COL1A1: variants seen among roughly 807,000 people sequenced by gnomAD.
COL1A1 encodes collagen alpha-1(I) chain.
COL1A1 carries 21 observed loss-of-function variants against 195.7 expected under a neutral mutation model. The ratio of observed to expected loss-of-function variants is 0.11; its 90% CI spans 0.08 to 0.15. The LOEUF is 0.15. Among genes scored for constraint, COL1A1 ranks in the 10% least tolerant of loss-of-function variants. The probability of loss-of-function intolerance (pLI) is 1.00; values close to 1 mark genes in which losing one functional copy is unlikely to be tolerated. For synonymous variants in COL1A1, 749 were observed against 747.3 expected (o/e 1.00, Z -0.04); for missense variants, 1,365 against 2,051.0 (o/e 0.67, Z 6.46).
At chr17:50,200,897 A>AC (rs938069048) in intron 1 of COL1A1, among the ~76,000 whole-genome samples, 8 of 148,420 alleles carry the variant, frequency 5.4e-5, no homozygotes, top group South Asian at 2.1e-4. Flanking sequence ...GGGCGCAAGG[A>AC]CCCCGCCCCG....
rs1299239027 is a variant in COL1A1, at chr17:50,184,102, T to C, written c.*1400A>G. Reference sequence around the variant, plus strand: ...ATTAGGAGGCCACTGCGGATTATGTTTGGGTCATTTCCACATGCTTTATTC... The same window carrying C: ...ATTAGGAGGCCACTGCGGATTATGTCTGGGTCATTTCCACATGCTTTATTC... On this transcript the variant is annotated 3_prime_UTR_variant, in exon 51 of 51. Coordinates refer to ENST00000225964, the MANE Select transcript of COL1A1 (RefSeq NM_000088.4). The C allele has an allele frequency of 2.1e-5, 4 of 193,152 alleles. No individual in the cohort carries two copies. The highest frequency in any genetic ancestry group is 1.8e-3 in the Middle Eastern group (1 of 570). 12.0% of individuals were successfully genotyped at this position (193,152 alleles called of 1,614,324 possible). A position where few individuals can be genotyped will look rare whatever the true frequency, so the allele number is the denominator to read the frequency against.
Position 50,186,637 on chromosome 17 carries a change from C to T in COL1A1, c.3814+3G>A. 1 of 1,613,516 alleles carries T rather than the reference C, an allele frequency of 6.2e-7. No individual in the cohort carries two copies. Among genetic ancestry groups the T allele is most frequent in the Non-Finnish European group, 8.5e-7 (1 of 1,180,008 alleles). ...GGAGGGAGAGGCTAGGGCAGGCCCT[C>T]ACCACTCTTCCAGTCAGAGTGGCAC... is the stretch of plus-strand genomic sequence containing the variant. On this transcript the variant is annotated splice_donor_region_variant and intron_variant, in intron 48 of 50. Coordinates refer to ENST00000225964, the MANE Select transcript of COL1A1 (RefSeq NM_000088.4). The surrounding 1 kb of genome is among the most constrained non-coding windows in gnomAD (Gnocchi z 5.3).
Position 50,186,697 on chromosome 17 carries a change from T to C in COL1A1, c.3757A>G (p.Lys1253Glu), listed in dbSNP as rs751874729. The C allele has an allele frequency of 6.2e-7, 1 of 1,613,648 alleles. No homozygotes were observed. Among genetic ancestry groups the C allele is most frequent in the Admixed American group, 1.7e-5 (1 of 60,014 alleles). The change falls in exon 48 of 51, where the codon AAG becomes GAG. Residue 1253 changes from lysine (K) to glutamate (E), a missense_variant. By Grantham distance (56) the Lys-to-Glu change is moderately conservative. Around this residue, in one of 5 missense-constraint regions of COL1A1, gnomAD observed 273 missense variants for 338.6 expected, o/e 0.81. Coordinates refer to ENST00000225964, the MANE Select transcript of COL1A1 (RefSeq NM_000088.4). This position sits in a 1 kb window ranked among gnomAD's most constrained non-coding sequence, Gnocchi z 5.3. ...TCACGGCAGGTGCGGGCGGGGTTCTTGCGGCTGCCCTCTGGGCTCCGGATG... is the reference window on the plus strand; with the variant it reads ...TCACGGCAGGTGCGGGCGGGGTTCTCGCGGCTGCCCTCTGGGCTCCGGATG... Reference protein sequence around the residue: ...ENIRSPEGSRKNPARTCRDLK... With the variant: ...ENIRSPEGSRENPARTCRDLK...
At chr17:50,191,156 C>T (rs1489266070) in intron 32 of COL1A1, among the ~76,000 whole-genome samples, 1 of 152,114 alleles carries the variant, frequency 6.6e-6, no homozygotes, top group African/African-American at 2.4e-5. Context: ...GAGCCTCCAC[C>T]AAGGAGATGC....
chr17:50,201,605 C>T lies in COL1A1; in HGVS notation c.-92G>A. On this transcript the variant is annotated 5_prime_UTR_variant, in exon 1 of 51. Coordinates refer to ENST00000225964, the MANE Select transcript of COL1A1 (RefSeq NM_000088.4). ...CTCACACTCCGCGTGCCTCCTGCTCCGACCCCGAGGAGAAACTCCCGTCTG... is the reference window on the plus strand; with the variant it reads ...CTCACACTCCGCGTGCCTCCTGCTCTGACCCCGAGGAGAAACTCCCGTCTG... 2.6e-6 allele frequency: 3 copies of T among 1,159,620 alleles called. No individual in the cohort carries two copies. The highest frequency in any genetic ancestry group is 2.6e-5 in the East Asian group (1 of 39,046). 71.8% of individuals were successfully genotyped at this position (1,159,620 alleles called of 1,614,324 possible).
intron 31 of COL1A1, 66 bp from the exon 32 acceptor site, chr17:50,191,556 C>T (rs1907079711): frequency 6.9e-7 from 1 of 1,447,876 alleles, no homozygotes; most frequent in Non-Finnish European, 9.7e-7. Context: ...AGCCCTAAGC[C>T]CCGCTTGGTA....
At chr17:50,192,450 C>G in intron 29 of COL1A1, 25 bp downstream of exon 29, 1 of 1,585,570 alleles carries the variant, frequency 6.3e-7, no homozygotes, top group Non-Finnish European at 8.6e-7. Flanking sequence ...ATCTCCCACC[C>G]CTCTGGCCGG....
rs573216775 is a variant in COL1A1 at position 50,192,093 on chromosome 17, G to A, written c.1984-69C>T. On this transcript the variant is annotated intron_variant, in intron 29 of 50. Transcript: ENST00000225964. ...CTGGGGCCACTCTGCTGGAAAGCAC[G>A]GTCCTTCCTCCTGGGGTCTGGCCGT... The A allele has an allele frequency of 1.8e-4, 268 of 1,529,396 alleles. 2 individuals are homozygous for A. In the South Asian group the frequency reaches 2.5e-3, roughly 15 times the overall value. The allele number at this position is 1,529,396 out of a possible 1,614,324, so 94.7% of individuals were successfully genotyped here.
Position 50,190,234 on chromosome 17 carries a change from CCT to C in COL1A1, c.2451+91_2451+92del. 1 of 1,269,976 alleles carries C rather than the reference CCT, an allele frequency of 7.9e-7. No homozygotes were observed. Among genetic ancestry groups the C allele is most frequent in the South Asian group, 1.2e-5 (1 of 84,160 alleles). 78.7% of individuals were successfully genotyped at this position (1,269,976 alleles called of 1,614,324 possible). ...AACAATCCCGTCTCCACCCTTCTCC[CCT>C]GAGGATGGCTGACGCCTTTGTCCTC... On this transcript the variant is annotated intron_variant, in intron 35 of 50. Transcript: ENST00000225964. This position sits in a 1 kb window ranked among gnomAD's most constrained non-coding sequence, Gnocchi z 4.7.
At position 50,189,216 on chromosome 17, in the gene COL1A1, C is replaced by A; in HGVS notation, c.2889G>T (p.Leu963=). 1 of 1,613,846 alleles carries A rather than the reference C, an allele frequency of 6.2e-7. No homozygotes were observed. Among genetic ancestry groups the A allele is most frequent in the Non-Finnish European group, 8.5e-7 (1 of 1,179,914 alleles). The change falls in exon 40 of 51, where the codon CTG becomes CTT. Residue 963 remains leucine (L), a synonymous_variant. Coordinates refer to ENST00000225964, the MANE Select transcript of COL1A1 (RefSeq NM_000088.4). The surrounding 1 kb of genome is among the most constrained non-coding windows in gnomAD (Gnocchi z 5.5). ...GIAGQRGVVG[L]PGQRGERGFP... is the part of the protein sequence containing the mutation. ...AGCCTCTCTCTCCTCTCTGACCAGG[C>A]AGGCCGACCACACCACGCTGTCCAG...
chr17:50,199,748 C>A lies in COL1A1; in HGVS notation c.298+5G>T, dbSNP rs757231152. ...CCAGGCCCCAGGCCCCGAGCGCAGC[C>A]GCACCTGAGCCGTCGGGGCAGACGG... is the stretch of plus-strand genomic sequence containing the variant. On this transcript the variant is annotated splice_donor_5th_base_variant and intron_variant, in intron 2 of 50. Coordinates refer to ENST00000225964, the MANE Select transcript of COL1A1 (RefSeq NM_000088.4). 1.9e-6 allele frequency: 3 copies of A among 1,610,860 alleles called. No homozygotes were observed. The African/African-American group carries it at 4.0e-5, about 22-fold the overall frequency.
chr17:50,199,021 A>C (rs78271486), intron 5 of COL1A1, among the ~76,000 whole-genome samples: 1 of 152,210 alleles, frequency 6.6e-6, no homozygotes, highest in African/African-American at 2.4e-5. Flanking sequence ...TTGCTCAAAC[A>C]GTTCAGAAAA....
rs1030011866 is a variant in COL1A1, at chr17:50,188,431, C to T, written c.3207+99G>A. On this transcript the variant is annotated intron_variant, in intron 43 of 50. Transcript: ENST00000225964. The surrounding 1 kb of genome is among the most constrained non-coding windows in gnomAD (Gnocchi z 5.6). The stretch of plus-strand genomic sequence containing the variant: ...TCTTGCAGGATCTCCTTTCCTCCCC[C>T]TGCCTGGGTGAAGTCCGACACCCAT... The T allele has an allele frequency of 4.1e-6, 5 of 1,224,204 alleles. No homozygotes were observed. Among genetic ancestry groups the T allele is most frequent in the East Asian group, 2.3e-5 (1 of 43,028 alleles). The allele number at this position is 1,224,204 out of a possible 1,614,324, so 75.8% of individuals were successfully genotyped here. A position where few individuals can be genotyped will look rare whatever the true frequency, so the allele number is the denominator to read the frequency against.
intron 25 of COL1A1, 29 bp downstream of exon 25, chr17:50,193,914 C>A (rs768801354): frequency 2.5e-6 from 4 of 1,598,602 alleles, no homozygotes; most frequent in Non-Finnish European, 3.4e-6. Flanking sequence ...TTGTCCCTGG[C>A]TCTTCATGGA....
rs764484530 is a variant in COL1A1 at position 50,192,982 on chromosome 17, G to A, written c.1821+12C>T. 6 of 1,613,716 alleles carry A rather than the reference G, an allele frequency of 3.7e-6. No individual in the cohort carries two copies. The highest frequency in any genetic ancestry group is 5.1e-6 in the Non-Finnish European group (6 of 1,179,848). The stretch of plus-strand genomic sequence containing the variant: ...AATGGGAAGGAGGTAGGGATGGAAA[G>A]GAGATACTTACGACAGCGCCAGGGG... On this transcript the variant is annotated intron_variant, in intron 26 of 50. Transcript: ENST00000225964.
Position 50,194,692 on chromosome 17 carries a change from A to C in COL1A1, c.1461+29T>G. 6.4e-7 allele frequency: 1 copy of C among 1,554,990 alleles called. No individual in the cohort carries two copies. The highest frequency in any genetic ancestry group is 8.7e-7 in the Non-Finnish European group (1 of 1,147,504). On this transcript the variant is annotated intron_variant, in intron 21 of 50. Transcript: ENST00000225964. This position sits in a 1 kb window ranked among gnomAD's most constrained non-coding sequence, Gnocchi z 6.8. Reference sequence around the variant, plus strand: ...GGCACCAGCCAGGCAATGAGGGTGGAGCGGGAGGGGGCGGGCAGGGACACT... The same window carrying C: ...GGCACCAGCCAGGCAATGAGGGTGGCGCGGGAGGGGGCGGGCAGGGACACT...
chr17:50,197,964 G>A lies in COL1A1; in HGVS notation c.627C>T (p.Gly209=), dbSNP rs201136122. Residue 209 remains glycine (G), a synonymous_variant, in exon 8 of 51, where the codon GGC becomes GGT. Coordinates refer to ENST00000225964, the MANE Select transcript of COL1A1 (RefSeq NM_000088.4). ...GAGTGCTTACTGAAGCTCCAGGCTCGCCAGGCTCACCAGGGGGACCTTGGA... is the reference window on the plus strand; with the variant it reads ...GAGTGCTTACTGAAGCTCCAGGCTCACCAGGCTCACCAGGGGGACCTTGGA... ...QGFQGPPGEP[G]EPGASGPMGP... is the part of the protein sequence containing the mutation. 363 of 1,613,866 alleles carry A rather than the reference G, an allele frequency of 2.2e-4. 3 individuals carry two copies. The highest frequency in any genetic ancestry group is 1.3e-3 in the Admixed American group (76 of 60,012).
At chr17:50,197,360 C>A in intron 9 of COL1A1, 127 bp from the exon 10 acceptor site, 1 of 918,300 alleles carries the variant, frequency 1.1e-6, no homozygotes, top group East Asian at 2.6e-5. Flanking sequence ...AGAATCTTAT[C>A]TTTGAATCTA....
rs72648327 is a variant in COL1A1, at chr17:50,195,282, G to C, written c.1249C>G (p.Pro417Ala). The C allele has an allele frequency of 4.1e-4, 660 of 1,613,524 alleles. 4 individuals carry two copies. The highest frequency in any genetic ancestry group is 3.4e-3 in the South Asian group (311 of 91,060). The stretch of plus-strand genomic sequence containing the variant: ...CCGCCGGGGCCCTGGGGTCCAGAGG[G>C]GCCTCGGGCACCAGGGAAGCCAGGA... ...GAPGFPGARG[P>A]SGPQGPGGPP... Residue 417 changes from proline (P) to alanine (A), a missense_variant, in exon 19 of 51, where the codon CCC becomes GCC. By Grantham distance (27) the Pro-to-Ala change is conservative. Coordinates refer to ENST00000225964, the MANE Select transcript of COL1A1 (RefSeq NM_000088.4). This position sits in a 1 kb window ranked among gnomAD's most constrained non-coding sequence, Gnocchi z 4.3.
Sources: allele counts gnomAD v4.1 joint callset (sites outside exome capture counted in the v4.1 genomes callset), GRCh38; gene constraint gnomAD v4.1.1; regional missense constraint gnomAD v4.1.1; non-coding constraint Gnocchi (gnomAD v3.1); transcripts MANE v1.5; gene names NCBI Gene and HGNC (gene_info 2026-07-23, HGNC 2026-07-21).